BAZ2B: variants seen among roughly 807,000 people sequenced by gnomAD.
The protein encoded by BAZ2B is bromodomain adjacent to zinc finger domain 2B, also known as bromodomain adjacent to zinc finger domain protein 2B.
BAZ2B carries 91 observed loss-of-function variants against 246.0 expected under a neutral mutation model. The ratio of observed to expected loss-of-function variants is 0.37; its 90% CI spans 0.31 to 0.44. The LOEUF (loss-of-function observed/expected upper bound fraction) is 0.44, where lower values mean the gene tolerates loss of function less well. BAZ2B is among the 20% of genes least tolerant of loss of function. The probability of loss-of-function intolerance (pLI) is 1.00; values close to 1 mark genes in which losing one functional copy is unlikely to be tolerated. For missense variants in BAZ2B, 2,332 were observed against 2,533.7 expected, an observed-to-expected ratio of 0.92 and a Z score of 1.71; for synonymous variants, 855 against 860.0, an observed-to-expected ratio of 0.99 and a Z score of 0.10.
At chr2:159,444,766 T>C (rs888247410) in intron 6 of BAZ2B, 1 of 152,350 alleles carries the variant, frequency 6.6e-6, no homozygotes, top group African/African-American at 2.4e-5. Flanking sequence ...ACAGCTGAGA[T>C]GGTGAAGAAC....
At chr2:159,421,484 C>G (rs556640611) in intron 13 of BAZ2B, among the ~76,000 whole-genome samples, 16 of 152,124 alleles carry the variant, frequency 1.1e-4, no homozygotes, top group African/African-American at 3.9e-4. Flanking sequence ...CTTTTATCCC[C>G]GTTTCATTTG....
intron 27 of BAZ2B, among the ~76,000 whole-genome samples, chr2:159,364,014 C>T (rs894698602): frequency 2.6e-5 from 4 of 152,298 alleles, no homozygotes; most frequent in Middle Eastern, 3.4e-3. Context: ...ATCAGCTCCA[C>T]TTTGTGAGTT....
At chr2:159,637,300 G>C in the BAZ2B span, among the ~76,000 whole-genome samples, 1 of 152,188 alleles carries the variant, frequency 6.6e-6, no homozygotes, top group East Asian at 1.9e-4. Context: ...CCCTGGGAGG[G>C]GCTCCAGAGG....
chr2:159,415,012 T>C (rs887173036), intron 13 of BAZ2B, among the ~76,000 whole-genome samples: 6 of 152,148 alleles, frequency 3.9e-5, no homozygotes, highest in Non-Finnish European at 8.8e-5. Flanking sequence ...TGAGGGTATA[T>C]GTAAAACAGT....
intron 34 of BAZ2B, among the ~76,000 whole-genome samples, chr2:159,327,853 T>G (rs1003979752): frequency 3.9e-5 from 6 of 152,040 alleles, no homozygotes; most frequent in Non-Finnish European, 7.4e-5. Flanking sequence ...TCGCCTGAGG[T>G]CAGGAGTTTG....
chr2:159,367,608 G>T (rs2060354695), intron 27 of BAZ2B, among the ~76,000 whole-genome samples: 1 of 152,060 alleles, frequency 6.6e-6, no homozygotes, highest in Non-Finnish European at 1.5e-5. Context: ...ATAAGCAGCT[G>T]GGCACAGTGG....
intron 1 of BAZ2B, among the ~76,000 whole-genome samples, chr2:159,569,344 T>G (rs1683381452): frequency 6.6e-6 from 1 of 152,176 alleles, no homozygotes; most frequent in Non-Finnish European, 1.5e-5. Flanking sequence ...ATTCAAAGAA[T>G]ATCAACTTTT....
chr2:159,398,722 T>C, intron 18 of BAZ2B, 107 bp downstream of exon 18: 7 of 973,306 alleles, frequency 7.2e-6, no homozygotes, highest in Non-Finnish European at 1.1e-5. Context: ...AAACATATTT[T>C]CAGATAGTCA....
chr2:159,475,429 G>A (rs2078402104), intron 3 of BAZ2B, among the ~76,000 whole-genome samples: 1 of 151,986 alleles, frequency 6.6e-6, no homozygotes, highest in Non-Finnish European at 1.5e-5. Flanking sequence ...CTCTAATCTG[G>A]TTATTCTAGT....
At chr2:159,508,869 G>C (rs916924383) in intron 2 of BAZ2B, among the ~76,000 whole-genome samples, 6 of 152,070 alleles carry the variant, frequency 3.9e-5, no homozygotes, top group African/African-American at 1.4e-4. Flanking sequence ...TACTGTTTGT[G>C]GGTTTGTGAT....
chr2:159,400,975 T>C (rs553136988), intron 16 of BAZ2B, among the ~76,000 whole-genome samples: 55 of 151,378 alleles, frequency 3.6e-4, no homozygotes, highest in East Asian at 1.9e-3. Flanking sequence ...ACCCAGGAGG[T>C]GGAGCTTGCA....
Position 159,438,708 on chromosome 2 carries a change from A to G in BAZ2B, c.901-13T>C. On this transcript the variant is annotated splice_polypyrimidine_tract_variant and intron_variant, in intron 7 of 36. Transcript: ENST00000392783. Reference sequence around the variant, plus strand: ...CATGTAATAGCACCTAGATATAAAAATGAAAAGGTAAGTTCCTAACATCTA... The same window carrying G: ...CATGTAATAGCACCTAGATATAAAAGTGAAAAGGTAAGTTCCTAACATCTA... The G allele has an allele frequency of 2.6e-6, 4 of 1,560,496 alleles. No individual in the cohort carries two copies.
intron 3 of BAZ2B, among the ~76,000 whole-genome samples, chr2:159,467,455 G>T (rs924809319): frequency 6.6e-6 from 1 of 152,094 alleles, no homozygotes. Context: ...AGCTGCGGGG[G>T]CCAGTGCAAG....
intron 6 of BAZ2B, among the ~76,000 whole-genome samples, chr2:159,439,748 T>C (rs988611991): frequency 6.6e-6 from 1 of 152,086 alleles, no homozygotes; most frequent in Admixed American, 6.6e-5. Flanking sequence ...TTCCATATAA[T>C]AATAAGTGCT....
intron 27 of BAZ2B, among the ~76,000 whole-genome samples, chr2:159,350,793 G>A (rs1005597406): frequency 1.1e-4 from 16 of 151,980 alleles, no homozygotes; most frequent in African/African-American, 3.6e-4. Flanking sequence ...GGCTGGTCTC[G>A]AATCTCTGAG....
chr2:159,326,161 T>C (rs1186973238), intron 34 of BAZ2B, among the ~76,000 whole-genome samples: 1 of 152,216 alleles, frequency 6.6e-6, no homozygotes, highest in Non-Finnish European at 1.5e-5. Flanking sequence ...AAGATGCTAA[T>C]CTCATGGTAA....
chr2:159,427,883 A>C (rs2070276904), intron 13 of BAZ2B, 58 bp downstream of exon 13: 1 of 1,362,452 alleles, frequency 7.3e-7, no homozygotes. Context: ...AATTTACTTC[A>C]TTTAGGTTAT....
rs145952681 is a variant in BAZ2B, at chr2:159,501,414, TACAC to T, written c.-2-22697_-2-22694del. Among the ~76,000 whole-genome samples the T allele has an allele frequency of 1.5e-3, 222 of 147,938 alleles. 2 individuals carry two copies. The highest frequency in any genetic ancestry group is 5.1e-3 in the African/African-American group (205 of 40,272). ...GTGTCAAATTCATATGCTGTACACA[TACAC>T]ACACACTGTGTGTGTGCGTTTGTGT... On this transcript the variant is annotated intron_variant, in intron 2 of 36. Coordinates refer to ENST00000392783, the MANE Select transcript of BAZ2B (RefSeq NM_013450.4).
intron 2 of BAZ2B, among the ~76,000 whole-genome samples, chr2:159,522,319 T>C (rs1015318110): frequency 3.3e-5 from 5 of 152,178 alleles, no homozygotes; most frequent in Non-Finnish European, 5.9e-5. Flanking sequence ...ATCTGTGCTA[T>C]TGGTTATCCA....
Sources: allele counts gnomAD v4.1 joint callset (sites outside exome capture counted in the v4.1 genomes callset), GRCh38; gene constraint gnomAD v4.1.1; transcripts MANE v1.5; gene names NCBI Gene and HGNC (gene_info 2026-07-23, HGNC 2026-07-21).